The following WDR11 variants were observed in gnomAD, a reference collection of about 807,000 sequenced individuals.
WDR11 encodes WD repeat domain 11, also known as WD repeat-containing protein 11.
In WDR11, 83 loss-of-function variants were observed where a neutral mutation model predicts 151.2. That is an observed-to-expected ratio of 0.55 (90% CI 0.46 to 0.66). WDR11 has a LOEUF of 0.66. Ranked by LOEUF, WDR11 falls within the 30% of genes least tolerant of loss-of-function variation. WDR11 has a pLI of 0.00. For missense variants in WDR11, 1,301 were observed against 1,480.9 expected, an observed-to-expected ratio of 0.88 and a Z score of 1.99; for synonymous variants, 484 against 533.1, an observed-to-expected ratio of 0.91 and a Z score of 1.27.
chr10:120,905,512 C>T lies in WDR11; in HGVS notation c.3291+96C>T, dbSNP rs578084260. The T allele has an allele frequency of 1.4e-4, 181 of 1,291,328 alleles. 1 individual carries two copies. In the South Asian group the frequency reaches 2.0e-3, roughly 14 times the overall value. The allele number at this position is 1,291,328 out of a possible 1,614,324, so 80.0% of individuals were successfully genotyped here. Reference sequence around the variant, plus strand: ...TTATGACTTAGAAACATTTTTTGGCCTGCAAAGCTGCTTTGCAAATACTGT... The same window carrying T: ...TTATGACTTAGAAACATTTTTTGGCTTGCAAAGCTGCTTTGCAAATACTGT... On this transcript the variant is annotated intron_variant, in intron 26 of 28. Coordinates refer to ENST00000263461, the MANE Select transcript of WDR11 (RefSeq NM_018117.12).
rs61185015 is a variant in WDR11 at position 120,865,357 on chromosome 10, G to GT, written c.879+153dup. ...AAGACTAGCAACACTATTTTAGATT[G>GT]TTTTTTTTGTCTGCACTTTTGATTG... is the stretch of plus-strand genomic sequence containing the variant. On this transcript the variant is annotated intron_variant, in intron 6 of 28. Coordinates refer to ENST00000263461, the MANE Select transcript of WDR11 (RefSeq NM_018117.12). 0.3 allele frequency: 257,573 copies of GT among 847,778 alleles called. 41,504 individuals are homozygous for GT. Among genetic ancestry groups the GT allele is most frequent in the Admixed American group, 0.43 (15,807 of 36,756 alleles). The allele number at this position is 847,778 out of a possible 1,614,324, so 52.5% of individuals were successfully genotyped here. A position where few individuals can be genotyped will look rare whatever the true frequency, so the allele number is the denominator to read the frequency against.
rs184461171 is a variant in WDR11, at chr10:120,886,715, C to G, written c.2000C>G (p.Ser667Cys). 1.9e-6 allele frequency: 3 copies of G among 1,613,880 alleles called. No individual in the cohort carries two copies. The Admixed American group carries it at 5.0e-5, about 27-fold the overall frequency. ...ISLLQEAESK[S>C]ELSQNISARE... is the part of the protein sequence containing the mutation. Reference sequence around the variant, plus strand: ...TTGCTGCAGGAGGCAGAAAGTAAATCTGAACTTAGTCAGAACATCTCTGCC... The same window carrying G: ...TTGCTGCAGGAGGCAGAAAGTAAATGTGAACTTAGTCAGAACATCTCTGCC... The change falls in exon 16 of 29, where the codon TCT becomes TGT. Residue 667 changes from serine (S) to cysteine (C), a missense_variant. Ser to Cys is a moderately radical substitution (Grantham distance 112, BLOSUM62 -1). Transcript: ENST00000263461.
chr10:120,905,995 T>C lies in WDR11; in HGVS notation c.3411T>C (p.Phe1137=), dbSNP rs1483993913. The change falls in exon 27 of 29, where the codon TTT becomes TTC. Residue 1137 remains phenylalanine, a synonymous_variant. Transcript: ENST00000263461. ...TGGTTCTCCTCTCTCTGGGCTGCTT[T>C]TTTAGCGTGGCAGAGACGCTTCACA... is the stretch of plus-strand genomic sequence containing the variant. The part of the protein sequence containing the change: ...ALLVLLSLGC[F]FSVAETLHSM... 3 of 1,613,986 alleles carry C rather than the reference T, an allele frequency of 1.9e-6. No individual in the cohort carries two copies. The highest frequency in any genetic ancestry group is 2.5e-6 in the Non-Finnish European group (3 of 1,180,028).
At chr10:120,866,519 G>GTGGT in intron 7 of WDR11, 50 bp from the exon 8 acceptor site, 1 of 1,600,412 alleles carries the variant, frequency 6.2e-7, no homozygotes, top group Non-Finnish European at 8.6e-7. Context: ...ACAAACAGTA[G>GTGGT]TGGTATCGAT....
intron 3 of WDR11, among the ~76,000 whole-genome samples, chr10:120,859,506 A>G (rs1332146560): frequency 1.3e-5 from 2 of 151,948 alleles, no homozygotes; most frequent in Non-Finnish European, 2.9e-5. Context: ...TGACTTCGTG[A>G]TCCACCTGCC....
At chr10:120,858,230 A>G (rs983372103) in intron 2 of WDR11, among the ~76,000 whole-genome samples, 22 of 152,128 alleles carry the variant, frequency 1.4e-4, no homozygotes, top group African/African-American at 5.3e-4. Context: ...TTCCCTCTGC[A>G]AGGTTTTTGT....
rs776694836 is a variant in WDR11 at position 120,889,139 on chromosome 10, T to A, written c.2183T>A (p.Met728Lys). ...WKGDTLVLGDMDGNLNFWDLK... is the reference protein window; with the variant it reads ...WKGDTLVLGDKDGNLNFWDLK... ...GGTGATACATTAGTGCTTGGAGATA[T>A]GGATGGAAATTTAAATTTCTGGGAC... The change falls in exon 17 of 29, where the codon ATG (methionine) becomes AAG (lysine). Residue 728 changes from methionine to lysine, a missense_variant. This residue lies in a region of WDR11 where 589 missense variants were observed against 670.6 expected (regional missense o/e 0.88). Transcript: ENST00000263461. The A allele has an allele frequency of 6.2e-7, 1 of 1,614,050 alleles. No individual in the cohort carries two copies. The highest frequency in any genetic ancestry group is 1.1e-5 in the South Asian group (1 of 91,084).
intron 2 of WDR11, among the ~76,000 whole-genome samples, chr10:120,853,327 A>G (rs1050618061): frequency 1.6e-4 from 24 of 151,574 alleles, no homozygotes; most frequent in Admixed American, 9.2e-4. Flanking sequence ...GTGCAGTGGC[A>G]TGATCTCGGC....
At chr10:120,900,739 A>G (rs1055208429) in intron 20 of WDR11, among the ~76,000 whole-genome samples, 1 of 152,206 alleles carries the variant, frequency 6.6e-6, no homozygotes, top group African/African-American at 2.4e-5. Flanking sequence ...GTTCTTCATT[A>G]AAAGGAATCT....
intron 19 of WDR11, among the ~76,000 whole-genome samples, chr10:120,899,217 A>AAGAT (rs1847721559): frequency 6.6e-6 from 1 of 152,136 alleles, no homozygotes; most frequent in Non-Finnish European, 1.5e-5. Flanking sequence ...AGAGTCTAAG[A>AAGAT]AGATAGCCCC....
At chr10:120,892,007 C>T (rs1590103771) in intron 19 of WDR11, among the ~76,000 whole-genome samples, 1 of 152,066 alleles carries the variant, frequency 6.6e-6, no homozygotes, top group East Asian at 1.9e-4. Context: ...TCATTTTAAA[C>T]CTAAAGGTAT....
In WDR11 at chr10:120,900,091, T is replaced by A. The variant is rs769246183; in HGVS notation, c.2578T>A (p.Leu860Ile). ...RASLALKAFLLHQPWNGQYSL... is the reference protein window; with the variant it reads ...RASLALKAFLIHQPWNGQYSL... ...CTCTCTTGCCTTGAAAGCCTTCTTA[T>A]TACACCAGCCTTGGAATGGACAGTA... is the stretch of plus-strand genomic sequence containing the variant. The change falls in exon 20 of 29, where the codon TTA (leucine) becomes ATA (isoleucine). Residue 860 changes from leucine (L) to isoleucine (I), a missense_variant. Around this residue, in one of 3 missense-constraint regions of WDR11, gnomAD observed 589 missense variants for 670.6 expected, o/e 0.88. Coordinates refer to ENST00000263461, the MANE Select transcript of WDR11 (RefSeq NM_018117.12). 7 of 1,614,042 alleles carry A rather than the reference T, an allele frequency of 4.3e-6. No homozygotes were observed. In the African/African-American group the frequency reaches 8.0e-5, roughly 18 times the overall value.
chr10:120,870,031 G>A (rs866044554), intron 9 of WDR11, among the ~76,000 whole-genome samples: 1 of 152,000 alleles, frequency 6.6e-6, no homozygotes, highest in African/African-American at 2.4e-5. Context: ...CTCGTGATCC[G>A]GTTGCCTCGG....
At chr10:120,865,571 C>A in intron 6 of WDR11, 59 bp from the exon 7 acceptor site, 2 of 1,149,808 alleles carry the variant, frequency 1.7e-6, no homozygotes, top group Non-Finnish European at 2.5e-6. Flanking sequence ...TTGAGTTTCA[C>A]AGTATATACT....
At chr10:120,868,945 A>G in intron 9 of WDR11, among the ~76,000 whole-genome samples, 1 of 135,396 alleles carries the variant, frequency 7.4e-6, no homozygotes. Context: ...TTTATCAGTA[A>G]CACAATTTTT....
chr10:120,853,121 G>T (rs1026677195), intron 2 of WDR11, among the ~76,000 whole-genome samples: 1 of 152,166 alleles, frequency 6.6e-6, no homozygotes, highest in African/African-American at 2.4e-5. Flanking sequence ...AAGGAGCATT[G>T]CAGGGAAAAG....
intron 19 of WDR11, among the ~76,000 whole-genome samples, chr10:120,893,651 T>C (rs1847502205): frequency 6.6e-6 from 1 of 151,610 alleles, no homozygotes; most frequent in Admixed American, 6.6e-5. Context: ...AGTGTTCCTA[T>C]TTCTCCACAT....
intron 19 of WDR11, among the ~76,000 whole-genome samples, chr10:120,896,742 A>G (rs1847626822): frequency 6.6e-6 from 1 of 152,164 alleles, no homozygotes; most frequent in Non-Finnish European, 1.5e-5. Flanking sequence ...GGGAGCCAAG[A>G]TCTGTGCTGA....
At chr10:120,903,944 G>C in intron 23 of WDR11, 103 bp from the exon 24 acceptor site, 1 of 777,356 alleles carries the variant, frequency 1.3e-6, no homozygotes, top group Non-Finnish European at 2.1e-6. Context: ...AACCTGAAAA[G>C]TCAAAGTAGT....
Sources: gnomAD v4.1 joint callset for allele counts (sites outside exome capture counted in the v4.1 genomes callset) on GRCh38, gnomAD v4.1.1 for gene constraint, gnomAD v4.1.1 regional missense constraint, MANE v1.5 for transcripts, NCBI Gene and HGNC (gene_info 2026-07-23, HGNC 2026-07-21) for gene names.